Variants in NPHS2 observed in about 807,000 individuals in gnomAD.
NPHS2 encodes the protein podocin.
NPHS2 carries 36 observed loss-of-function variants against 37.1 expected under a neutral mutation model. That is an observed-to-expected ratio of 0.97 (90% CI 0.74 to 1.28). NPHS2 has a LOEUF of 1.28. Ranked by LOEUF, NPHS2 falls within the 50% of genes most tolerant of loss-of-function variation. The probability of loss-of-function intolerance (pLI) is 0.00; values close to 1 mark genes in which losing one functional copy is unlikely to be tolerated. For missense variants in NPHS2, 447 were observed against 488.1 expected (o/e 0.92, Z 0.79); for synonymous variants, 196 against 189.3 (o/e 1.04, Z -0.29).
rs1674747331 is a variant in NPHS2, at chr1:179,575,823, C to T, written c.42G>A (p.Gly14=). Reference sequence around the variant, plus strand: ...CCTTGTGCGGAGTCCTGCCGCCTCGCCCGCGGGACTCCCTGGAGGAGCTCC... The same window carrying T: ...CCTTGTGCGGAGTCCTGCCGCCTCGTCCGCGGGACTCCCTGGAGGAGCTCC... ...RARSSSRESR[G]RGGRTPHKEN... The change falls in exon 1 of 8, where the codon GGG becomes GGA. Residue 14 remains glycine, a synonymous_variant. Transcript: ENST00000367615. 1.4e-6 allele frequency: 2 copies of T among 1,459,260 alleles called. No individual in the cohort carries two copies. The highest frequency in any genetic ancestry group is 1.8e-6 in the Non-Finnish European group (2 of 1,116,106). The allele number at this position is 1,459,260 out of a possible 1,614,324, so 90.4% of individuals were successfully genotyped here.
chr1:179,570,149 G>T (rs1572292913), intron 1 of NPHS2, among the ~76,000 whole-genome samples: 1 of 152,084 alleles, frequency 6.6e-6, no homozygotes, highest in African/African-American at 2.4e-5. Context: ...TTGCAACTTG[G>T]TCCATTCTCC....
At position 179,556,117 on chromosome 1, in the gene NPHS2, T is replaced by C. The variant is rs767552519; in HGVS notation, c.738+910A>G. ...AGGGCAAGCTTGAATGTCAAGTGTCTGGACTTTATCCTTTAAAGGAGAAGG... is the reference window on the plus strand; with the variant it reads ...AGGGCAAGCTTGAATGTCAAGTGTCCGGACTTTATCCTTTAAAGGAGAAGG... On this transcript the variant is annotated intron_variant, in intron 5 of 7. Transcript: ENST00000367615. This position sits in a 1 kb window ranked among gnomAD's most constrained non-coding sequence, Gnocchi z 4.1. Among the ~76,000 whole-genome samples, 13 of 152,266 alleles carry C rather than the reference T, an allele frequency of 8.5e-5. No individual in the cohort carries two copies. The highest frequency in any genetic ancestry group is 1.8e-4 in the Non-Finnish European group (12 of 68,048).
intron 6 of NPHS2, among the ~76,000 whole-genome samples, chr1:179,554,191 G>A (rs913895561): frequency 5.3e-5 from 8 of 152,078 alleles, no homozygotes; most frequent in African/African-American, 1.7e-4. Context: ...TGGGATTACA[G>A]GTGTGAGCCA....
rs192111025 is a variant in NPHS2 at position 179,573,635 on chromosome 1, C to T, written c.274+1956G>A. On this transcript the variant is annotated intron_variant, in intron 1 of 7. Transcript: ENST00000367615. ...ATTCTCTTTCAAGGACAATGACTAA[C>T]AGTATCATTGCCAGTTTTAATTAGT... 2.6e-5 allele frequency among the ~76,000 whole-genome samples: 4 copies of T among 152,270 alleles called. No individual in the cohort carries two copies. The East Asian group carries it at 7.7e-4, about 29-fold the overall frequency.
chr1:179,571,230 A>T (rs1325318455), intron 1 of NPHS2, among the ~76,000 whole-genome samples: 1 of 152,098 alleles, frequency 6.6e-6, no homozygotes, highest in African/African-American at 2.4e-5. Flanking sequence ...AATGTTGGTG[A>T]CCTACAGATG....
chr1:179,567,666 A>G (rs1364972368), intron 1 of NPHS2, among the ~76,000 whole-genome samples: 1 of 152,160 alleles, frequency 6.6e-6, no homozygotes, highest in Non-Finnish European at 1.5e-5. Context: ...GAATGCTTCC[A>G]GTTTTTGCCC....
chr1:179,561,509 A>G (rs1674137657), intron 2 of NPHS2, 148 bp from the exon 3 acceptor site: 1 of 647,302 alleles, frequency 1.5e-6, no homozygotes, highest in Non-Finnish European at 2.8e-6. Context: ...TCCAAAATCT[A>G]TATTTAGTAA....
Position 179,564,762 on chromosome 1 carries a change from C to T in NPHS2, c.306G>A (p.Glu102=), listed in dbSNP as rs1424761598. ...GTKSSGLGAC[E]WLLVLISLLF... ...GCAGGGAAATGAGGACAAGAAGCCA[C>T]TCACAGGCCCCTAAGCCGGAGGATT... The change falls in exon 2 of 8, where the codon GAG becomes GAA. Residue 102 remains glutamate (E), a synonymous_variant. Transcript: ENST00000367615. 3.1e-6 allele frequency: 5 copies of T among 1,614,122 alleles called. No individual in the cohort carries two copies. In the African/African-American group the frequency reaches 5.3e-5, roughly 17 times the overall value.
At chr1:179,570,275 G>A (rs987939247) in intron 1 of NPHS2, among the ~76,000 whole-genome samples, 3 of 152,194 alleles carry the variant, frequency 2.0e-5, no homozygotes, top group African/African-American at 7.2e-5. Flanking sequence ...TTTGAAGTGG[G>A]AAATCAGGGG....
chr1:179,554,645 A>G (rs1181122201), intron 5 of NPHS2, 114 bp from the exon 6 acceptor site: 5 of 1,432,882 alleles, frequency 3.5e-6, no homozygotes, highest in East Asian at 4.6e-5. Context: ...TTGAAAGGAC[A>G]TTATTTGCCT....
At chr1:179,564,840 T>A in intron 1 of NPHS2, 47 bp from the exon 2 acceptor site, 1 of 1,440,420 alleles carries the variant, frequency 6.9e-7, no homozygotes, top group Non-Finnish European at 9.7e-7. Flanking sequence ...AACTTCACTG[T>A]ATTCACTGAC....
At chr1:179,575,467 A>G in intron 1 of NPHS2, 124 bp downstream of exon 1, 1 of 1,345,266 alleles carries the variant, frequency 7.4e-7, no homozygotes, top group South Asian at 1.2e-5. Flanking sequence ...CGTTCCTGGG[A>G]ACCTGAGCAT....
chr1:179,571,485 C>G (rs925009275), intron 1 of NPHS2, among the ~76,000 whole-genome samples: 1 of 152,186 alleles, frequency 6.6e-6, no homozygotes, highest in African/African-American at 2.4e-5. Flanking sequence ...TCTGTTGGCC[C>G]CTACTGGGAG....
chr1:179,574,881 C>T (rs1674696200), intron 1 of NPHS2, among the ~76,000 whole-genome samples: 1 of 152,208 alleles, frequency 6.6e-6, no homozygotes, highest in Admixed American at 6.5e-5. Context: ...TTTGCATTCC[C>T]TCCTTTGATC....
At chr1:179,554,702 A>T in intron 5 of NPHS2, 171 bp from the exon 6 acceptor site, 1 of 821,784 alleles carries the variant, frequency 1.2e-6, no homozygotes, top group Non-Finnish European at 2.0e-6. Flanking sequence ...TTTAACTTGC[A>T]TGGTGCCACC....
intron 2 of NPHS2, 51 bp downstream of exon 2, chr1:179,564,639 G>A: frequency 1.4e-6 from 2 of 1,421,154 alleles, no homozygotes; most frequent in Non-Finnish European, 2.0e-6. Context: ...GCATGGTGTG[G>A]CCAGTGAGAG....
intron 2 of NPHS2, 130 bp downstream of exon 2, chr1:179,564,560 A>G: frequency 1.2e-6 from 1 of 805,778 alleles, no homozygotes; most frequent in Non-Finnish European, 2.2e-6. Flanking sequence ...CTATCCTGGA[A>G]GGTGAGTCTG....
intron 6 of NPHS2, among the ~76,000 whole-genome samples, chr1:179,553,031 A>G (rs1364431977): frequency 6.6e-6 from 1 of 152,246 alleles, no homozygotes; most frequent in Non-Finnish European, 1.5e-5. Flanking sequence ...CACTACTGAT[A>G]ATAAAGATAA....
At chr1:179,568,187 CT>C (rs1674410882) in intron 1 of NPHS2, among the ~76,000 whole-genome samples, 1 of 152,056 alleles carries the variant, frequency 6.6e-6, no homozygotes, top group Non-Finnish European at 1.5e-5. Flanking sequence ...TGGTCCTGGA[CT>C]TTTTTTGGTT....
Sources: allele counts gnomAD v4.1 joint callset (sites outside exome capture counted in the v4.1 genomes callset), GRCh38; gene constraint gnomAD v4.1.1; non-coding constraint Gnocchi (gnomAD v3.1); transcripts MANE v1.5; gene names NCBI Gene and HGNC (gene_info 2026-07-23, HGNC 2026-07-21).